Variants in GALC observed in about 807,000 individuals in gnomAD.
GALC encodes the protein galactosylceramidase.
In GALC, 77 loss-of-function variants were observed where a neutral mutation model predicts 91.8. That is an observed-to-expected ratio of 0.84 (90% CI 0.70 to 1.01). GALC has a LOEUF of 1.01. Ranked by LOEUF, GALC falls within the 50% of genes least tolerant of loss-of-function variation. The probability of loss-of-function intolerance (pLI) is 0.00; values close to 1 mark genes in which losing one functional copy is unlikely to be tolerated. For synonymous variants in GALC, 357 were observed against 306.7 expected (o/e 1.16, Z -1.71); for missense variants, 882 against 855.9 (o/e 1.03, Z -0.38).
In GALC at chr14:87,934,403, T is replaced by G. The variant is rs1884482480; in HGVS notation, c.*329A>C. On this transcript the variant is annotated 3_prime_UTR_variant, in exon 17 of 17. Transcript: ENST00000261304. ...TGCCATCTACAGGACCGCTTGCAAA[T>G]AAGATGAAGAGAGCTACCTCAGTGT... The G allele has an allele frequency of 7.9e-7, 1 of 1,273,850 alleles. No individual in the cohort carries two copies. The highest frequency in any genetic ancestry group is 1.5e-5 in the African/African-American group (1 of 66,002). The allele number at this position is 1,273,850 out of a possible 1,614,324, so 78.9% of individuals were successfully genotyped here.
intron 4 of GALC, among the ~76,000 whole-genome samples, chr14:87,985,897 G>A (rs1395552653): frequency 6.6e-6 from 1 of 152,184 alleles, no homozygotes; most frequent in African/African-American, 2.4e-5. Flanking sequence ...CCCCACAGGT[G>A]CAGGAATTGG....
intron 10 of GALC, chr14:87,952,469 G>A (rs1885351668): frequency 7.4e-6 from 4 of 543,724 alleles, no homozygotes; most frequent in South Asian, 2.1e-5. Flanking sequence ...TTCACTATAG[G>A]CATAAGCTAA....
intron 10 of GALC, chr14:87,954,069 A>C (rs1304322756): frequency 6.2e-7 from 1 of 1,609,752 alleles, no homozygotes; most frequent in Non-Finnish European, 8.5e-7. Flanking sequence ...ATCAACATTT[A>C]GCAGTCAGTT....
At chr14:87,979,891 GA>G (rs1376504760) in intron 6 of GALC, among the ~76,000 whole-genome samples, 3 of 152,116 alleles carry the variant, frequency 2.0e-5, no homozygotes, top group Non-Finnish European at 4.4e-5. Flanking sequence ...CAGCAGGCAT[GA>G]CTTTCCACTT....
chr14:87,935,888 A>G (rs1345835703), intron 16 of GALC, among the ~76,000 whole-genome samples: 2 of 152,074 alleles, frequency 1.3e-5, no homozygotes, highest in Non-Finnish European at 2.9e-5. Flanking sequence ...CAAGTTACCT[A>G]GCTCCAAATT....
rs34134328 is a variant in GALC, at chr14:87,947,814, G to C, written c.1403C>G (p.Thr468Ser). Residue 468 changes from threonine (T) to serine (S), a missense_variant, in exon 13 of 17, where the codon ACT becomes AGT. Thr to Ser is a moderately conservative substitution (Grantham distance 58). Coordinates refer to ENST00000261304, the MANE Select transcript of GALC (RefSeq NM_000153.4). ...GCTGCCTTTGCGACCAGTGGTGAGA[G>C]TGGTGAGTGTGAACAGCTCATCTTC... The part of the protein sequence containing the change: ...LHEDELFTLT[T>S]LTTGRKGSYP... 1,363 of 1,612,742 alleles carry C rather than the reference G, an allele frequency of 8.5e-4. 6 individuals carry two copies. In the African/African-American group the frequency reaches 0.016, roughly 19 times the overall value.
At chr14:87,949,435 T>C (rs141775542) in intron 12 of GALC, among the ~76,000 whole-genome samples, 25 of 152,116 alleles carry the variant, frequency 1.6e-4, no homozygotes, top group African/African-American at 5.5e-4. Flanking sequence ...CATTTCACTC[T>C]GTAGCAGTGT....
At chr14:87,940,257 T>C (rs1273081138) in intron 15 of GALC, among the ~76,000 whole-genome samples, 2 of 151,952 alleles carry the variant, frequency 1.3e-5, no homozygotes, top group South Asian at 2.1e-4. Flanking sequence ...AAACCAGTGA[T>C]AGTATGAGGT....
intron 6 of GALC, among the ~76,000 whole-genome samples, chr14:87,977,607 C>G (rs1886555893): frequency 6.6e-6 from 1 of 152,120 alleles, no homozygotes; most frequent in Non-Finnish European, 1.5e-5. Flanking sequence ...ACAAATAAGC[C>G]CACTACTATA....
At chr14:87,938,626 T>A (rs983903221) in intron 16 of GALC, among the ~76,000 whole-genome samples, 2 of 151,922 alleles carry the variant, frequency 1.3e-5, no homozygotes, top group African/African-American at 4.8e-5. Context: ...ATTCAGTACT[T>A]CCCCTTACAA....
intron 10 of GALC, among the ~76,000 whole-genome samples, chr14:87,955,768 G>A (rs1308330192): frequency 6.6e-6 from 1 of 152,000 alleles, no homozygotes; most frequent in East Asian, 1.9e-4. Flanking sequence ...TGGTTAGTTC[G>A]TGTCTAGGAT....
intron 1 of GALC, among the ~76,000 whole-genome samples, chr14:87,992,010 C>T (rs1055596765): frequency 1.3e-5 from 2 of 152,178 alleles, no homozygotes; most frequent in Non-Finnish European, 2.9e-5. Context: ...CTGAAATACA[C>T]ATCAGCACGG....
rs1567014169 is a variant in GALC at position 87,988,164 on chromosome 14, C to T, written c.308G>A (p.Gly103Asp). The stretch of plus-strand genomic sequence containing the variant: ...CCTACCTGTTGTCTGCCCATCACCA[C>T]CTATTTCCACTTTTAAAATATGCAA... The part of the protein sequence containing the change: ...ASLHILKVEI[G>D]GDGQTTDGTE... The change falls in exon 3 of 17, where the codon GGT (glycine) becomes GAT (aspartate). Residue 103 changes from glycine (G) to aspartate (D), a missense_variant. Gly to Asp is a moderately conservative substitution (Grantham distance 94). Transcript: ENST00000261304. 2 of 1,613,646 alleles carry T rather than the reference C, an allele frequency of 1.2e-6. No individual in the cohort carries two copies. The highest frequency in any genetic ancestry group is 1.7e-6 in the Non-Finnish European group (2 of 1,179,836).
Position 87,988,641 on chromosome 14 carries a change from G to A in GALC, c.196-118C>T, listed in dbSNP as rs1887071107. On this transcript the variant is annotated intron_variant, in intron 1 of 16. Coordinates refer to ENST00000261304, the MANE Select transcript of GALC (RefSeq NM_000153.4). ...ATTTAGCCTCAGGCAAGGTCAGGCT[G>A]AGGAAAAGTTCCTCACAAGTTGTCT... is the stretch of plus-strand genomic sequence containing the variant. 12 of 796,624 alleles carry A rather than the reference G, an allele frequency of 1.5e-5. No homozygotes were observed. In the Admixed American group the frequency reaches 2.2e-4, roughly 15 times the overall value. The allele number at this position is 796,624 out of a possible 1,614,324, so 49.3% of individuals were successfully genotyped here. A position where few individuals can be genotyped will look rare whatever the true frequency, so the allele number is the denominator to read the frequency against.
intron 6 of GALC, among the ~76,000 whole-genome samples, chr14:87,977,033 G>GC (rs1030646890): frequency 2.2e-5 from 1 of 44,538 alleles, no homozygotes; most frequent in African/African-American, 2.8e-4. Flanking sequence ...ATAGAAATAT[G>GC]GGGGGGGGGG....
chr14:87,983,121 C>T (rs1268508767), intron 5 of GALC, among the ~76,000 whole-genome samples: 1 of 151,902 alleles, frequency 6.6e-6, no homozygotes, highest in African/African-American at 2.4e-5. Flanking sequence ...GGGCGGATCA[C>T]GAGGTCAGGA....
intron 3 of GALC, chr14:87,986,994 G>C: frequency 2.2e-6 from 1 of 448,974 alleles, no homozygotes; most frequent in South Asian, 1.6e-5. Context: ...TTCAACGCTG[G>C]ATATGAATCC....
At position 87,953,441 on chromosome 14, in the gene GALC, T is replaced by G. The variant is rs188790835; in HGVS notation, c.1162-2693A>C. 1.1e-5 allele frequency: 17 copies of G among 1,530,184 alleles called. No individual in the cohort carries two copies. The African/African-American group carries it at 2.2e-4, about 20-fold the overall frequency. The allele number at this position is 1,530,184 out of a possible 1,614,324, so 94.8% of individuals were successfully genotyped here. A position where few individuals can be genotyped will look rare whatever the true frequency, so the allele number is the denominator to read the frequency against. ...TCTCTTGAACATTTTAGTCCTGTTT[T>G]TCCTAAAACAGAAAATAGCCACATT... On this transcript the variant is annotated intron_variant, in intron 10 of 16. Coordinates refer to ENST00000261304, the MANE Select transcript of GALC (RefSeq NM_000153.4).
At chr14:87,955,394 C>G (rs1260313127) in intron 10 of GALC, among the ~76,000 whole-genome samples, 1 of 151,928 alleles carries the variant, frequency 6.6e-6, no homozygotes, top group Non-Finnish European at 1.5e-5. Flanking sequence ...TTTTTGGTTT[C>G]TTCCTTTCTT....
Sources: gnomAD v4.1 joint callset for allele counts (sites outside exome capture counted in the v4.1 genomes callset) on GRCh38, gnomAD v4.1.1 for gene constraint, MANE v1.5 for transcripts, NCBI Gene and HGNC (gene_info 2026-07-23, HGNC 2026-07-21) for gene names.